SH3GL3: variants seen among roughly 807,000 people sequenced by gnomAD.
The protein encoded by SH3GL3 is SH3 domain containing GRB2 like 3, endophilin A3, also known as endophilin-A3.
In SH3GL3, 33 loss-of-function variants were observed where a neutral mutation model predicts 47.7. That is an observed-to-expected ratio of 0.69 (90% confidence interval 0.52 to 0.92). The LOEUF (loss-of-function observed/expected upper bound fraction) is 0.92. Among genes scored for constraint, SH3GL3 ranks in the 40% least tolerant of loss-of-function variants. SH3GL3 has a pLI of 0.00. For missense variants in SH3GL3, 363 were observed against 417.8 expected, an observed-to-expected ratio of 0.87 and a Z score of 1.14; for synonymous variants, 155 against 148.8, an observed-to-expected ratio of 1.04 and a Z score of -0.30.
At chr15:83,568,869 C>T (rs549387676) in intron 4 of SH3GL3, among the ~76,000 whole-genome samples, 197 bp downstream of exon 4, 2 of 151,406 alleles carry the variant, frequency 1.3e-5, no homozygotes, top group Non-Finnish European at 2.9e-5. Flanking sequence ...ATCCCATATC[C>T]ACCGATAGGC....
chr15:83,464,089 A>T (rs1235783025), intron 1 of SH3GL3, among the ~76,000 whole-genome samples: 1 of 151,990 alleles, frequency 6.6e-6, no homozygotes, highest in Non-Finnish European at 1.5e-5. Context: ...TTGTCTTCTC[A>T]ACCTATTCAA....
chr15:83,463,004 G>C (rs1485607575), intron 1 of SH3GL3, among the ~76,000 whole-genome samples: 2 of 152,140 alleles, frequency 1.3e-5, no homozygotes, highest in Admixed American at 6.5e-5. Context: ...TTGATTAAAA[G>C]GGGGAAACGT....
chr15:83,511,195 T>A (rs903803119), intron 1 of SH3GL3, among the ~76,000 whole-genome samples: 9 of 152,100 alleles, frequency 5.9e-5, no homozygotes, highest in Non-Finnish European at 1.0e-4. Context: ...AATAAAGGAA[T>A]GCTGTAGGTC....
intron 1 of SH3GL3, among the ~76,000 whole-genome samples, chr15:83,470,300 C>T (rs1311687807): frequency 1.3e-5 from 2 of 152,222 alleles, no homozygotes; most frequent in Admixed American, 6.5e-5. Flanking sequence ...TCTCAGCTCA[C>T]TGCAACCTCT....
At chr15:83,550,025 A>G (rs1043830257) in intron 1 of SH3GL3, among the ~76,000 whole-genome samples, 1 of 152,190 alleles carries the variant, frequency 6.6e-6, no homozygotes, top group African/African-American at 2.4e-5. Context: ...GAAATTTGAA[A>G]AAATTTTAGA....
chr15:83,500,462 G>A (rs1596118672), intron 1 of SH3GL3, among the ~76,000 whole-genome samples: 1 of 152,160 alleles, frequency 6.6e-6, no homozygotes, highest in East Asian at 1.9e-4. Context: ...CTGGACCAAT[G>A]TGGCCTTCAG....
At chr15:83,500,198 C>T (rs1018847189) in intron 1 of SH3GL3, among the ~76,000 whole-genome samples, 2 of 152,100 alleles carry the variant, frequency 1.3e-5, no homozygotes, top group African/African-American at 4.8e-5. Flanking sequence ...ATGGGGTAAC[C>T]ACAGCTGACC....
At chr15:83,609,531 A>G (rs769569132) in intron 8 of SH3GL3, 3 of 328,356 alleles carry the variant, frequency 9.1e-6, no homozygotes, top group Non-Finnish European at 1.8e-5. Context: ...ACAGCGTTGT[A>G]TGAATTACTT....
At chr15:83,565,063 T>C in intron 2 of SH3GL3, 71 bp from the exon 3 acceptor site, 1 of 633,942 alleles carries the variant, frequency 1.6e-6, no homozygotes. Flanking sequence ...TGAAAATTCC[T>C]CCTCTATTTG....
intron 1 of SH3GL3, among the ~76,000 whole-genome samples, chr15:83,533,823 G>C (rs1250174127): frequency 6.6e-6 from 1 of 152,180 alleles, no homozygotes; most frequent in East Asian, 1.9e-4. Context: ...CAGGTGTTCA[G>C]AGCTGACTTA....
chr15:83,535,249 G>T (rs2043854273), intron 1 of SH3GL3, among the ~76,000 whole-genome samples: 1 of 151,676 alleles, frequency 6.6e-6, no homozygotes, highest in African/African-American at 2.4e-5. Flanking sequence ...TGAACTTTAA[G>T]AATAAAACAT....
intron 1 of SH3GL3, among the ~76,000 whole-genome samples, chr15:83,484,860 T>C (rs1006395839): frequency 1.3e-5 from 2 of 152,224 alleles, no homozygotes; most frequent in African/African-American, 4.8e-5. Context: ...TCTGAGACTT[T>C]GCATATTTAA....
intron 5 of SH3GL3, among the ~76,000 whole-genome samples, chr15:83,575,875 C>T (rs1029591795): frequency 1.7e-4 from 26 of 152,114 alleles, no homozygotes; most frequent in Non-Finnish European, 1.3e-4. Flanking sequence ...AGCTATCCCA[C>T]TCAGCACTGT....
intron 1 of SH3GL3, among the ~76,000 whole-genome samples, chr15:83,549,811 C>T (rs1239657276): frequency 6.6e-6 from 1 of 152,152 alleles, no homozygotes; most frequent in African/African-American, 2.4e-5. Context: ...TCTTACACAA[C>T]CTAGTAAGAC....
chr15:83,574,847 C>T (rs1476428745), intron 5 of SH3GL3, among the ~76,000 whole-genome samples: 1 of 152,216 alleles, frequency 6.6e-6, no homozygotes, highest in Non-Finnish European at 1.5e-5. Context: ...CACCTCACCC[C>T]TCAGCTCGGA....
At chr15:83,491,429 T>C (rs1285072520) in intron 1 of SH3GL3, among the ~76,000 whole-genome samples, 2 of 152,262 alleles carry the variant, frequency 1.3e-5, no homozygotes, top group Non-Finnish European at 2.9e-5. Flanking sequence ...TTGCCTGCAC[T>C]GTCTGCATTA....
chr15:83,481,206 C>G (rs968185503), intron 1 of SH3GL3, among the ~76,000 whole-genome samples: 6 of 145,736 alleles, frequency 4.1e-5, no homozygotes, highest in Non-Finnish European at 7.4e-5. Flanking sequence ...ACCCGGGAGG[C>G]GGAGGTTTCT....
chr15:83,568,180 C>G (rs2045646706), intron 3 of SH3GL3, among the ~76,000 whole-genome samples: 1 of 152,058 alleles, frequency 6.6e-6, no homozygotes, highest in East Asian at 1.9e-4. Flanking sequence ...GACAGGGTTT[C>G]TCCATGTTGG....
intron 1 of SH3GL3, among the ~76,000 whole-genome samples, chr15:83,487,505 T>C (rs1374578807): frequency 2.0e-5 from 3 of 152,186 alleles, no homozygotes; most frequent in South Asian, 4.1e-4. Context: ...CCAAAGAAGT[T>C]TCTATACTTT....
Sources: gnomAD v4.1 joint callset for allele counts (sites outside exome capture counted in the v4.1 genomes callset) on GRCh38, gnomAD v4.1.1 for gene constraint, MANE v1.5 for transcripts, NCBI Gene and HGNC (gene_info 2026-07-23, HGNC 2026-07-21) for gene names.